Variants in AOAH observed in about 807,000 individuals in gnomAD.
The protein encoded by AOAH is acyloxyacyl hydrolase.
AOAH carries 64 observed loss-of-function variants against 92.2 expected under a neutral mutation model. The ratio of observed to expected loss-of-function variants is 0.69; its 90% CI spans 0.57 to 0.86. The LOEUF (loss-of-function observed/expected upper bound fraction) is 0.86. AOAH is among the 40% of genes least tolerant of loss of function. The probability of loss-of-function intolerance (pLI) is 0.00; values close to 1 mark genes in which losing one functional copy is unlikely to be tolerated. For missense variants in AOAH, 656 were observed against 694.6 expected (o/e 0.94, Z 0.62); for synonymous variants, 263 against 254.5 (o/e 1.03, Z -0.32).
chr7:36,527,191 G>GGTCATC (rs1475278683), intron 19 of AOAH, among the ~76,000 whole-genome samples: 1 of 152,170 alleles, frequency 6.6e-6, no homozygotes, highest in Non-Finnish European at 1.5e-5. Flanking sequence ...TCATCTTTCA[G>GGTCATC]TGCTGGACTG....
chr7:36,659,194 G>A lies in AOAH; in HGVS notation c.362C>T (p.Pro121Leu), dbSNP rs777448004. Reference protein sequence around the residue: ...LEFCKQNTGQPLCHLYPLPKE... With the variant: ...LEFCKQNTGQLLCHLYPLPKE... ...GGGAAGAGGGTAGAGATGACACAAT[G>A]GTTGGCCAGTGTTCTGTTTACAAAA... Residue 121 changes from proline (P) to leucine (L), a missense_variant, in exon 4 of 21, where the codon CCA becomes CTA. By Grantham distance (98) the Pro-to-Leu change is moderately conservative. Transcript: ENST00000617537. 4.3e-6 allele frequency: 7 copies of A among 1,613,806 alleles called. No individual in the cohort carries two copies. The South Asian group carries it at 7.7e-5, about 18-fold the overall frequency.
intron 20 of AOAH, among the ~76,000 whole-genome samples, chr7:36,519,924 C>T (rs1347165644): frequency 4.6e-5 from 7 of 152,226 alleles, no homozygotes; most frequent in Admixed American, 4.6e-4. Context: ...GCACTTGACA[C>T]TGGGTAGTCA....
intron 4 of AOAH, among the ~76,000 whole-genome samples, chr7:36,641,654 T>C (rs1793930295): frequency 6.6e-6 from 1 of 152,210 alleles, no homozygotes; most frequent in Non-Finnish European, 1.5e-5. Context: ...GCTTTCCTTT[T>C]CTGTTTCCTT....
Position 36,688,800 on chromosome 7 carries a change from C to T in AOAH, c.128-2006G>A, listed in dbSNP as rs560812224. Among the ~76,000 whole-genome samples the T allele has an allele frequency of 1.4e-3, 210 of 150,874 alleles. 1 individual carries two copies. Among genetic ancestry groups the T allele is most frequent in the Middle Eastern group, 3.4e-3 (1 of 290 alleles). On this transcript the variant is annotated intron_variant, in intron 1 of 20. Transcript: ENST00000617537. ...AAGAGACTTTGAGTATATATATATA[C>T]ACACACACACACATATATTTATGTG...
intron 1 of AOAH, among the ~76,000 whole-genome samples, chr7:36,705,648 C>G (rs921592071): frequency 2.6e-5 from 4 of 151,968 alleles, no homozygotes; most frequent in African/African-American, 9.7e-5. Flanking sequence ...AAATTTCATA[C>G]GGAACCAAAA....
chr7:36,644,122 G>A (rs575436167), intron 4 of AOAH, among the ~76,000 whole-genome samples: 1 of 152,204 alleles, frequency 6.6e-6, no homozygotes, highest in African/African-American at 2.4e-5. Flanking sequence ...AGTAAACACT[G>A]TAATTAGAAA....
At chr7:36,618,575 G>A (rs567786291) in intron 9 of AOAH, among the ~76,000 whole-genome samples, 1 of 152,352 alleles carries the variant, frequency 6.6e-6, no homozygotes, top group South Asian at 2.1e-4. Context: ...ATTTCATTCA[G>A]GGAGATGCTG....
intron 12 of AOAH, among the ~76,000 whole-genome samples, chr7:36,584,886 T>C (rs1358943777): frequency 6.6e-6 from 1 of 152,188 alleles, no homozygotes; most frequent in East Asian, 1.9e-4. Flanking sequence ...ACTGATATCC[T>C]TATGAGCTGG....
Position 36,548,771 on chromosome 7 carries a change from C to T in AOAH, c.1059-85G>A, listed in dbSNP as rs999527624. 21 of 1,292,838 alleles carry T rather than the reference C, an allele frequency of 1.6e-5. No individual in the cohort carries two copies. The East Asian group carries it at 5.0e-4, about 31-fold the overall frequency. 80.1% of individuals were successfully genotyped at this position (1,292,838 alleles called of 1,614,324 possible). A position where few individuals can be genotyped will look rare whatever the true frequency, so the allele number is the denominator to read the frequency against. On this transcript the variant is annotated intron_variant, in intron 14 of 20. Coordinates refer to ENST00000617537, the MANE Select transcript of AOAH (RefSeq NM_001637.4). ...GTGACACAGGCTGGGCCTTTGAAAA[C>T]AATCTTGGTATGACCACCCTCTTGG...
intron 2 of AOAH, among the ~76,000 whole-genome samples, chr7:36,678,224 C>A (rs1488988469): frequency 2.0e-5 from 3 of 152,126 alleles, no homozygotes; most frequent in Non-Finnish European, 4.4e-5. Context: ...TACTCAGAGA[C>A]CTGCATTTCA....
chr7:36,644,892 T>C (rs1479053807), intron 4 of AOAH, among the ~76,000 whole-genome samples: 1 of 109,806 alleles, frequency 9.1e-6, no homozygotes, highest in East Asian at 3.2e-4. Context: ...TTTTTTATTG[T>C]CAAAGAGCAT....
chr7:36,594,306 T>C (rs746506550), intron 12 of AOAH, 33 bp downstream of exon 12: 2 of 1,528,666 alleles, frequency 1.3e-6, no homozygotes, highest in Non-Finnish European at 1.8e-6. Context: ...CACAGAGGTA[T>C]TGAAATGTCT....
intron 1 of AOAH, among the ~76,000 whole-genome samples, chr7:36,693,324 G>A (rs533896350): frequency 5.2e-4 from 79 of 152,110 alleles, no homozygotes; most frequent in Admixed American, 2.6e-3. Context: ...AACTGTTACA[G>A]TAACCTTCTA....
At chr7:36,641,637 G>A (rs760198997) in intron 4 of AOAH, among the ~76,000 whole-genome samples, 7 of 152,084 alleles carry the variant, frequency 4.6e-5, no homozygotes, top group Non-Finnish European at 7.4e-5. Flanking sequence ...CCTAGCTTTC[G>A]GGCCGAGCTT....
At chr7:36,673,411 CCCG>C (rs10579393) in intron 3 of AOAH, among the ~76,000 whole-genome samples, 120,370 of 151,798 alleles carry the variant, frequency 0.79, 48,208 homozygotes, top group East Asian at 0.95. Flanking sequence ...GTGGCACATG[CCCG>C]CCGTAATCCC....
At chr7:36,563,095 C>T (rs1386453360) in intron 13 of AOAH, among the ~76,000 whole-genome samples, 9 of 128,072 alleles carry the variant, frequency 7.0e-5, no homozygotes, top group African/African-American at 1.5e-4. Context: ...TGCAGTGAGC[C>T]GAGATCGTGC....
chr7:36,515,259 A>T (rs900525132), intron 20 of AOAH, among the ~76,000 whole-genome samples: 4 of 119,218 alleles, frequency 3.4e-5, no homozygotes, highest in Admixed American at 9.3e-5. Context: ...CCACACACAC[A>T]TACATCACAC....
rs571337228 is a variant in AOAH at position 36,675,525 on chromosome 7, A to G, written c.224-1516T>C. Among the ~76,000 whole-genome samples, 575 of 152,376 alleles carry G rather than the reference A, an allele frequency of 3.8e-3. 1 individual carries two copies. The highest frequency in any genetic ancestry group is 0.014 in the Middle Eastern group (4 of 294). On this transcript the variant is annotated intron_variant, in intron 2 of 20. Transcript: ENST00000617537. ...AAAACTTCCCACAAAGGAAAGCCTAAGACCAGCTAGCTGCACCAGATAGGA... is the reference window on the plus strand; with the variant it reads ...AAAACTTCCCACAAAGGAAAGCCTAGGACCAGCTAGCTGCACCAGATAGGA...
rs528811619 is a variant in AOAH at position 36,671,620 on chromosome 7, CGTGTGTGCATCTGT to C, written c.290+2309_290+2322del. Among the ~76,000 whole-genome samples the C allele has an allele frequency of 9.9e-3, 1,490 of 150,392 alleles. 18 individuals are homozygous for C. The highest frequency in any genetic ancestry group is 0.035 in the African/African-American group (1,417 of 40,752). ...ATGCGTGTGTGTGTATGTGTGTGTG[CGTGTGTGCATCTGT>C]GTGTGTGCACGTGTTTGTGTGTGTG... On this transcript the variant is annotated intron_variant, in intron 3 of 20. Transcript: ENST00000617537.
Sources: allele counts gnomAD v4.1 joint callset (sites outside exome capture counted in the v4.1 genomes callset), GRCh38; gene constraint gnomAD v4.1.1; transcripts MANE v1.5; gene names NCBI Gene and HGNC (gene_info 2026-07-23, HGNC 2026-07-21).